Variants in DNAH12 observed in about 807,000 individuals in gnomAD.
The protein encoded by DNAH12 is dynein axonemal heavy chain 12, also known as axonemal beta dynein heavy chain 12.
In DNAH12, 285 loss-of-function variants were observed where a neutral mutation model predicts 371.5. The ratio of observed to expected loss-of-function variants is 0.77; its 90% confidence interval spans 0.70 to 0.85. DNAH12 has a LOEUF of 0.85. Among genes scored for constraint, DNAH12 ranks in the 40% least tolerant of loss-of-function variants. The probability of loss-of-function intolerance (pLI) is 0.00; values close to 1 mark genes in which losing one functional copy is unlikely to be tolerated. For synonymous variants in DNAH12, 1,200 were observed against 1,213.0 expected (o/e 0.99, Z 0.22); for missense variants, 3,611 against 3,689.4 (o/e 0.98, Z 0.55).
At chr3:57,380,185 T>A (rs1260318910) in intron 51 of DNAH12, 93 bp downstream of exon 51, 1 of 152,144 alleles carries the variant, frequency 6.6e-6, no homozygotes, top group Non-Finnish European at 1.5e-5. Flanking sequence ...AAATGGACTA[T>A]TTCTGTATGT....
At chr3:57,330,219 A>G (rs1391115193) in intron 62 of DNAH12, among the ~76,000 whole-genome samples, 12 of 151,774 alleles carry the variant, frequency 7.9e-5, no homozygotes, top group African/African-American at 2.9e-4. Flanking sequence ...CTGGGTATAT[A>G]CCCAAAGGAC....
At position 57,461,507 on chromosome 3, in the gene DNAH12, T is replaced by C. The variant is rs1349112541; in HGVS notation, c.2718A>G (p.Pro906=). ...AACATACCTTGATCTCATGTTCAAATGGTTTGATGAAAGGTGAGCCTCTCA... is the reference window on the plus strand; with the variant it reads ...AACATACCTTGATCTCATGTTCAAACGGTTTGATGAAAGGTGAGCCTCTCA... ...QTMRGSPFIK[P]FEHEIKAWED... is the part of the protein sequence containing the mutation. The change falls in exon 19 of 74, where the codon CCA becomes CCG. Residue 906 remains proline (P), a synonymous_variant. Transcript: ENST00000495027. The C allele has an allele frequency of 1.0e-5, 16 of 1,551,190 alleles. No individual in the cohort carries two copies. The highest frequency in any genetic ancestry group is 1.4e-5 in the Non-Finnish European group (16 of 1,146,814).
intron 4 of DNAH12, among the ~76,000 whole-genome samples, chr3:57,519,201 G>T (rs1464128800): frequency 2.0e-5 from 3 of 152,112 alleles, no homozygotes; most frequent in African/African-American, 7.2e-5. Context: ...TATCCTCTAT[G>T]GTAAAATGTC....
intron 34 of DNAH12, chr3:57,428,283 A>G: frequency 2.2e-6 from 2 of 930,028 alleles, no homozygotes; most frequent in Admixed American, 7.0e-5. Context: ...GGAAGCTAAT[A>G]CAATATGTAA....
At chr3:57,469,298 G>A (rs2066298678) in intron 16 of DNAH12, among the ~76,000 whole-genome samples, 1 of 152,114 alleles carries the variant, frequency 6.6e-6, no homozygotes, top group African/African-American at 2.4e-5. Flanking sequence ...AGCCAGAATG[G>A]CTATTATTAA....
intron 13 of DNAH12, among the ~76,000 whole-genome samples, chr3:57,476,708 G>T (rs1317137472): frequency 6.6e-6 from 1 of 152,132 alleles, no homozygotes; most frequent in African/African-American, 2.4e-5. Flanking sequence ...ATTCCAAATT[G>T]TACAATTCAT....
At chr3:57,481,020 T>A (rs2066723723) in intron 13 of DNAH12, among the ~76,000 whole-genome samples, 1 of 152,194 alleles carries the variant, frequency 6.6e-6, no homozygotes, top group African/African-American at 2.4e-5. Flanking sequence ...AAGACAGGGA[T>A]GCCCTCTTTC....
At chr3:57,511,397 T>C (rs2067993157) in intron 4 of DNAH12, among the ~76,000 whole-genome samples, 1 of 152,138 alleles carries the variant, frequency 6.6e-6, no homozygotes, top group Admixed American at 6.6e-5. Flanking sequence ...ACAATAGTAG[T>C]ATAATATAAT....
chr3:57,323,231 T>C lies in DNAH12; in HGVS notation c.10159A>G (p.Met3387Val), dbSNP rs569015405. ...ATAGCTTGAAACTTATTTCCAGACA[T>C]AGATTTATCATTTGCAAATTTCAGC... ...SLLKFANDKS[M>V]SGNKFQAISL... Residue 3387 changes from methionine to valine, a missense_variant, in exon 64 of 74, where the codon ATG becomes GTG. By Grantham distance (21) the Met-to-Val change is conservative (BLOSUM62 1). Transcript: ENST00000495027. The C allele has an allele frequency of 1.5e-5, 23 of 1,551,842 alleles. No homozygotes were observed. The highest frequency in any genetic ancestry group is 4.9e-5 in the East Asian group (2 of 40,916).
At chr3:57,441,173 G>C (rs1428363924) in intron 29 of DNAH12, among the ~76,000 whole-genome samples, 1 of 152,114 alleles carries the variant, frequency 6.6e-6, no homozygotes, top group Non-Finnish European at 1.5e-5. Flanking sequence ...AGAAAAAATA[G>C]AGGAAAAAAT....
At chr3:57,532,934 C>T (rs1335748906) in intron 2 of DNAH12, among the ~76,000 whole-genome samples, 2 of 152,190 alleles carry the variant, frequency 1.3e-5, no homozygotes, top group Non-Finnish European at 2.9e-5. Flanking sequence ...GTGAGTTCCC[C>T]AAGCCCCAGG....
intron 2 of DNAH12, among the ~76,000 whole-genome samples, chr3:57,527,332 A>G (rs2068684131): frequency 6.6e-6 from 1 of 152,174 alleles, no homozygotes; most frequent in South Asian, 2.1e-4. Flanking sequence ...CTTTGTTTCC[A>G]AAAAACAAAA....
Position 57,507,742 on chromosome 3 carries a change from C to T in DNAH12, c.798G>A (p.Lys266=), listed in dbSNP as rs1235027986. ...EEKIMNTWYP[K]VINLFTKKEA... ...CCTTCTTGGTAAAGAGATTTATAACCTTTGGATACCATGTATTCATTATCT... is the reference window on the plus strand; with the variant it reads ...CCTTCTTGGTAAAGAGATTTATAACTTTTGGATACCATGTATTCATTATCT... The change falls in exon 8 of 74, where the codon AAG becomes AAA. Residue 266 remains lysine (K), a synonymous_variant. Transcript: ENST00000495027. 1 of 1,611,366 alleles carries T rather than the reference C, an allele frequency of 6.2e-7. No individual in the cohort carries two copies. Among genetic ancestry groups the T allele is most frequent in the Non-Finnish European group, 8.5e-7 (1 of 1,179,654 alleles).
chr3:57,540,034 A>G (rs1479335979), intron 2 of DNAH12, among the ~76,000 whole-genome samples: 2 of 151,668 alleles, frequency 1.3e-5, no homozygotes, highest in African/African-American at 2.4e-5. Context: ...TTAAAGACAC[A>G]ATCCTTTCTG....
Position 57,445,361 on chromosome 3 carries a change from G to C in DNAH12, c.4238C>G (p.Ser1413Cys). 3 of 1,551,544 alleles carry C rather than the reference G, an allele frequency of 1.9e-6. No homozygotes were observed. The highest frequency in any genetic ancestry group is 2.6e-6 in the Non-Finnish European group (3 of 1,146,964). Residue 1413 changes from serine to cysteine, a missense_variant, in exon 28 of 74, where the codon TCC becomes TGC. This residue lies in a region of DNAH12 where 2,266 missense variants were observed against 2,236.9 expected (regional missense o/e 1.01). Transcript: ENST00000495027. The part of the protein sequence containing the change: ...VPNYALIAEI[S>C]LYSYGFLNAR... ...ATTCAAAAATCCGTAAGAGTAGAGG[G>C]AGATTTCTGCTATAAGCGCATAGTT...
At chr3:57,317,248 A>T (rs1487385068) in intron 65 of DNAH12, among the ~76,000 whole-genome samples, 1 of 152,194 alleles carries the variant, frequency 6.6e-6, no homozygotes, top group Non-Finnish European at 1.5e-5. Context: ...TTTAACATGA[A>T]ATCTACCATC....
chr3:57,452,272 T>C (rs2065780043), intron 25 of DNAH12, among the ~76,000 whole-genome samples: 1 of 152,178 alleles, frequency 6.6e-6, no homozygotes, highest in Non-Finnish European at 1.5e-5. Context: ...CATGCAATAT[T>C]TGGGACATAT....
chr3:57,437,020 T>C lies in DNAH12; in HGVS notation c.4586A>G (p.Asn1529Ser). 1.3e-6 allele frequency: 2 copies of C among 1,514,832 alleles called. No homozygotes were observed. Among genetic ancestry groups the C allele is most frequent in the Non-Finnish European group, 8.8e-7 (1 of 1,137,762 alleles). 93.8% of individuals were successfully genotyped at this position (1,514,832 alleles called of 1,614,324 possible). A position where few individuals can be genotyped will look rare whatever the true frequency, so the allele number is the denominator to read the frequency against. Reference protein sequence around the residue: ...ECAHEACNVHNLQPVKFFLEK... With the variant: ...ECAHEACNVHSLQPVKFFLEK... ...AAGAAAAAATTTAACAGGCTGAAGATTATGTACATTGCAGGCTTCATGAGC... is the reference window on the plus strand; with the variant it reads ...AAGAAAAAATTTAACAGGCTGAAGACTATGTACATTGCAGGCTTCATGAGC... Residue 1529 changes from asparagine to serine, a missense_variant, in exon 30 of 74, where the codon AAT becomes AGT. Physicochemically the swap from Asn to Ser is conservative, Grantham distance 46. Around this residue, in one of 3 missense-constraint regions of DNAH12, gnomAD observed 2,266 missense variants for 2,236.9 expected, o/e 1.01. Coordinates refer to ENST00000495027, the MANE Select transcript of DNAH12 (RefSeq NM_001366028.2).
chr3:57,296,488 A>G, intron 71 of DNAH12, 53 bp from the exon 72 acceptor site: 2 of 1,295,066 alleles, frequency 1.5e-6, no homozygotes, highest in African/African-American at 1.5e-5. Flanking sequence ...ACTTCATCTC[A>G]TAAAGAACAC....
Sources: allele counts gnomAD v4.1 joint callset (sites outside exome capture counted in the v4.1 genomes callset), GRCh38; gene constraint gnomAD v4.1.1; regional missense constraint gnomAD v4.1.1; transcripts MANE v1.5; gene names NCBI Gene and HGNC (gene_info 2026-07-23, HGNC 2026-07-21).